XRCC6: variants seen among roughly 807,000 people sequenced by gnomAD.
XRCC6 encodes DNA repair protein Ku70.
XRCC6 carries 5 observed loss-of-function variants against 65.7 expected under a neutral mutation model. The ratio of observed to expected loss-of-function variants is 0.08; its 90% CI spans 0.04 to 0.16. XRCC6 has a LOEUF of 0.16. Among genes scored for constraint, XRCC6 ranks in the 10% least tolerant of loss-of-function variants. The pLI, the probability that XRCC6 is intolerant of heterozygous loss-of-function variation, is 1.00. For missense variants in XRCC6, 447 were observed against 738.1 expected (o/e 0.61, Z 4.57); for synonymous variants, 270 against 270.6 (o/e 1.00, Z 0.02).
intron 3 of XRCC6, chr22:41,628,432 C>T (rs1375129664): frequency 4.3e-5 from 19 of 437,242 alleles, no homozygotes; most frequent in Non-Finnish European, 2.1e-5. Flanking sequence ...GTGGTGCAAA[C>T]CTGTAGTCCT....
At chr22:41,659,718 C>T (rs28741131) in intron 11 of XRCC6, among the ~76,000 whole-genome samples, 2,459 of 152,226 alleles carry the variant, frequency 0.016, 63 homozygotes, top group African/African-American at 0.055. Flanking sequence ...GGTTCTCACT[C>T]TTGTCACCCA....
chr22:41,647,121 C>G (rs747946162), intron 7 of XRCC6, 39 bp downstream of exon 7: 1 of 1,606,726 alleles, frequency 6.2e-7, no homozygotes, highest in East Asian at 2.2e-5. Flanking sequence ...GTTTTTGAGA[C>G]AGGGTCTCAT....
chr22:41,623,482 G>A (rs144303449), intron 2 of XRCC6, among the ~76,000 whole-genome samples: 1,575 of 148,874 alleles, frequency 0.011, 28 homozygotes, highest in African/African-American at 0.038. Context: ...CCGCCTCCCG[G>A]GTTCATGCCA....
chr22:41,628,897 C>T (rs774079182), intron 3 of XRCC6, among the ~76,000 whole-genome samples: 66 of 124,662 alleles, frequency 5.3e-4, no homozygotes, highest in Admixed American at 1.4e-3. Flanking sequence ...ACCCAGGAGG[C>T]GGAGGTTACA....
intron 6 of XRCC6, among the ~76,000 whole-genome samples, chr22:41,646,296 C>CT (rs2067931478): frequency 6.6e-6 from 1 of 150,990 alleles, no homozygotes; most frequent in Admixed American, 6.6e-5. Context: ...GTGTGAGACT[C>CT]TGTCTCGAAA....
chr22:41,628,984 A>AC (rs992043284), intron 3 of XRCC6, among the ~76,000 whole-genome samples: 1 of 151,492 alleles, frequency 6.6e-6, no homozygotes, highest in African/African-American at 2.4e-5. Context: ...AAAAAAAAAA[A>AC]AAAAACAATT....
intron 11 of XRCC6, among the ~76,000 whole-genome samples, chr22:41,658,698 G>A (rs2068069878): frequency 6.6e-6 from 1 of 152,196 alleles, no homozygotes; most frequent in African/African-American, 2.4e-5. Flanking sequence ...GGTGGATCAC[G>A]AGGTCAAGAG....
chr22:41,639,915 C>G (rs2067856899), intron 6 of XRCC6, among the ~76,000 whole-genome samples: 1 of 151,828 alleles, frequency 6.6e-6, no homozygotes, highest in South Asian at 2.1e-4. Flanking sequence ...GCCTCGGCCT[C>G]CCAAAGTGCT....
intron 9 of XRCC6, among the ~76,000 whole-genome samples, chr22:41,654,994 A>G (rs985114197): frequency 6.6e-6 from 1 of 152,232 alleles, no homozygotes; most frequent in African/African-American, 2.4e-5. Context: ...TGGGGCAGGA[A>G]TCATCTGTTT....
chr22:41,636,845 A>G, intron 5 of XRCC6, 75 bp downstream of exon 5: 1 of 1,516,380 alleles, frequency 6.6e-7, no homozygotes, highest in East Asian at 2.4e-5. Context: ...TTAGGAGTTC[A>G]GGAGTCTTGG....
In XRCC6 at chr22:41,622,024, A is replaced by G. The variant is rs200736808; in HGVS notation, c.20A>G (p.Tyr7Cys). 36 of 1,614,130 alleles carry G rather than the reference A, an allele frequency of 2.2e-5. No homozygotes were observed. The highest frequency in any genetic ancestry group is 3.0e-5 in the Non-Finnish European group (35 of 1,180,048). Reference protein sequence around the residue: MSGWESYYKTEGDEEAE... With the variant: MSGWESCYKTEGDEEAE... ...GCCAACATGTCAGGGTGGGAGTCAT[A>G]TTACAAAACCGAGGGCGATGAAGAA... The change falls in exon 2 of 13, where the codon TAT becomes TGT. Residue 7 changes from tyrosine (Y) to cysteine (C), a missense_variant. This residue lies in a region of XRCC6 where 228 missense variants were observed against 307.4 expected (regional missense o/e 0.74). Coordinates refer to ENST00000360079, the MANE Select transcript of XRCC6 (RefSeq NM_001469.5).
intron 6 of XRCC6, among the ~76,000 whole-genome samples, chr22:41,644,350 T>C (rs2067909388): frequency 6.6e-6 from 1 of 152,220 alleles, no homozygotes; most frequent in Non-Finnish European, 1.5e-5. Flanking sequence ...GCCCAACATA[T>C]GATCTCTCCT....
chr22:41,635,043 C>T (rs1186632759), intron 3 of XRCC6, among the ~76,000 whole-genome samples: 1 of 152,174 alleles, frequency 6.6e-6, no homozygotes, highest in African/African-American at 2.4e-5. Context: ...TTTATATAGT[C>T]ATCCCTTGTT....
rs764795746 is a variant in XRCC6 at position 41,651,361 on chromosome 22, A to ATTT, written c.1129+514_1129+516dup. ...TGTGGGAATGAAGAAAGTTAAACAG[A>ATTT]TTTTTTTTTTTTTTTTTTTTTTTTT... On this transcript the variant is annotated intron_variant, in intron 8 of 12. Coordinates refer to ENST00000360079, the MANE Select transcript of XRCC6 (RefSeq NM_001469.5). Among the ~76,000 whole-genome samples the ATTT allele has an allele frequency of 1.0e-4, 5 of 49,676 alleles. 1 individual carries two copies. The highest frequency in any genetic ancestry group is 1.2e-4 in the African/African-American group (2 of 16,034). 32.6% of individuals were successfully genotyped at this position (49,676 alleles called of 152,430 possible).
intron 7 of XRCC6, among the ~76,000 whole-genome samples, chr22:41,649,714 G>A (rs1295597329): frequency 1.3e-5 from 2 of 151,924 alleles, no homozygotes; most frequent in Non-Finnish European, 2.9e-5. Context: ...AATTAGCCAG[G>A]TGTGGTGGCG....
At chr22:41,628,302 T>C (rs2067701217) in intron 3 of XRCC6, 72 bp downstream of exon 3, 28 of 1,314,368 alleles carry the variant, frequency 2.1e-5, no homozygotes, top group Non-Finnish European at 2.9e-5. Context: ...CTCATGCCTG[T>C]AATCTCAGGA....
At chr22:41,626,986 G>A (rs1318091337) in intron 2 of XRCC6, among the ~76,000 whole-genome samples, 1 of 152,132 alleles carries the variant, frequency 6.6e-6, no homozygotes, top group Admixed American at 6.6e-5. Context: ...ATGTTGGCTA[G>A]GCTGGTCTCG....
At chr22:41,648,455 A>AT (rs1263016036) in intron 7 of XRCC6, among the ~76,000 whole-genome samples, 3 of 151,900 alleles carry the variant, frequency 2.0e-5, no homozygotes, top group East Asian at 3.9e-4. Flanking sequence ...AAGTGAACTC[A>AT]TTTTTTTTAG....
At chr22:41,628,271 A>G (rs751180443) in intron 3 of XRCC6, 41 bp downstream of exon 3, 7 of 1,550,890 alleles carry the variant, frequency 4.5e-6, no homozygotes, top group Non-Finnish European at 5.3e-6. Context: ...TAAAAACAGT[A>G]TTGGCTGGGC....
Sources: gnomAD v4.1 joint callset for allele counts (sites outside exome capture counted in the v4.1 genomes callset) on GRCh38, gnomAD v4.1.1 for gene constraint, gnomAD v4.1.1 regional missense constraint, MANE v1.5 for transcripts, NCBI Gene and HGNC (gene_info 2026-07-23, HGNC 2026-07-21) for gene names.